CPLX1: variants seen among roughly 807,000 people sequenced by gnomAD.
The protein encoded by CPLX1 is complexin 1.
CPLX1 carries 6 observed loss-of-function variants against 15.6 expected under a neutral mutation model. The observed-to-expected ratio is 0.39, with a 90% confidence interval of 0.21 to 0.76. The LOEUF is 0.76. CPLX1 is among the 30% of genes least tolerant of loss of function. The pLI, the probability that CPLX1 is intolerant of heterozygous loss-of-function variation, is 0.43. For missense variants in CPLX1, 242 were observed against 188.6 expected (o/e 1.28, Z -1.66); for synonymous variants, 91 against 75.2 (o/e 1.21, Z -1.08).
chr4:815,186 G>A (rs2152647650), intron 2 of CPLX1, among the ~76,000 whole-genome samples: 1 of 152,280 alleles, frequency 6.6e-6, no homozygotes, highest in Admixed American at 6.5e-5. Context: ...TGAGGCGGGT[G>A]GATCATCTGA....
intron 3 of CPLX1, chr4:787,520 T>G (rs1362281823): frequency 1.6e-6 from 1 of 638,880 alleles, no homozygotes; most frequent in Admixed American, 6.3e-5. Context: ...TCAAGTCCAG[T>G]GAGAGTGTCC....
At chr4:794,241 C>A (rs1199209337) in intron 2 of CPLX1, among the ~76,000 whole-genome samples, 2 of 152,244 alleles carry the variant, frequency 1.3e-5, no homozygotes, top group African/African-American at 4.8e-5. Context: ...ATGCCTGCAT[C>A]CTGCAGGCGC....
intron 3 of CPLX1, chr4:787,200 T>TA: frequency 3.0e-6 from 3 of 985,288 alleles, no homozygotes; most frequent in Non-Finnish European, 3.6e-6. Context: ...GCAGGGCCAC[T>TA]CCCTGGCAGG....
chr4:804,781 C>G (rs537231228), intron 2 of CPLX1: 2 of 985,448 alleles, frequency 2.0e-6, no homozygotes, highest in East Asian at 1.1e-4. Flanking sequence ...GAAGTGCCTG[C>G]AGAGTCCCAG....
intron 2 of CPLX1, among the ~76,000 whole-genome samples, chr4:798,049 T>G (rs1415835490): frequency 6.6e-6 from 1 of 151,892 alleles, no homozygotes; most frequent in Non-Finnish European, 1.5e-5. Context: ...CCGAGGTGGG[T>G]GGATCACCTG....
intron 2 of CPLX1, among the ~76,000 whole-genome samples, chr4:808,631 A>G (rs1380803729): frequency 6.6e-6 from 1 of 152,244 alleles, no homozygotes; most frequent in African/African-American, 2.4e-5. Context: ...TAAAACAGGC[A>G]TCAGGCAGCT....
At chr4:791,213 G>A (rs927129271) in intron 3 of CPLX1, among the ~76,000 whole-genome samples, 2 of 151,726 alleles carry the variant, frequency 1.3e-5, no homozygotes, top group Non-Finnish European at 2.9e-5. Flanking sequence ...GGGGTGGGCT[G>A]GAGGCTTGAG....
At chr4:792,636 G>T in intron 2 of CPLX1, 28 bp from the exon 3 acceptor site, 2 of 1,594,364 alleles carry the variant, frequency 1.3e-6, no homozygotes, top group Non-Finnish European at 1.7e-6. Flanking sequence ...GATTCAGACC[G>T]CCCCATTCAG....
At chr4:788,269 G>T in intron 3 of CPLX1, 4 of 985,272 alleles carry the variant, frequency 4.1e-6, no homozygotes, top group Non-Finnish European at 3.6e-6. Context: ...GGCTGCCTGT[G>T]TGCTCCCCAA....
intron 2 of CPLX1, among the ~76,000 whole-genome samples, chr4:800,086 G>A (rs1379315546): frequency 6.6e-6 from 1 of 152,024 alleles, no homozygotes; most frequent in Non-Finnish European, 1.5e-5. Context: ...CTGTCTCCAG[G>A]TAGACAGCAT....
chr4:785,794 C>G lies in CPLX1; in HGVS notation c.*707G>C, dbSNP rs946317593. The G allele has an allele frequency of 6.6e-6, 1 of 152,052 alleles. No individual in the cohort carries two copies. The highest frequency in any genetic ancestry group is 1.5e-5 in the Non-Finnish European group (1 of 68,102). The allele number at this position is 152,052 out of a possible 1,614,324, so 9.4% of individuals were successfully genotyped here. On this transcript the variant is annotated 3_prime_UTR_variant, in exon 4 of 4. Transcript: ENST00000304062. ...AGCAGCAGCCGCGTGGGCGGAGAGG[C>G]TAGGAGGCCGGGCGGGGGGCGAGGA...
Position 792,530 on chromosome 4 carries a change from C to T in CPLX1, c.110G>A (p.Arg37Gln), listed in dbSNP as rs1361796675. ...DPDAAKKEEE[R>Q]QEALRQAEEE... ...CTCCGCCTGGCGCAGCGCCTCCTGC[C>T]GCTCCTCCTCCTTCTTGGCGGCGTC... Residue 37 changes from arginine (R) to glutamine (Q), a missense_variant, in exon 3 of 4, where the codon CGG (arginine) becomes CAG (glutamine). Physicochemically the swap from Arg to Gln is conservative, Grantham distance 43. Transcript: ENST00000304062. The T allele has an allele frequency of 6.2e-7, 1 of 1,613,520 alleles. No homozygotes were observed. The highest frequency in any genetic ancestry group is 1.7e-5 in the Admixed American group (1 of 60,014).
chr4:807,233 C>T (rs954926675), intron 2 of CPLX1, among the ~76,000 whole-genome samples: 2 of 152,190 alleles, frequency 1.3e-5, no homozygotes, highest in South Asian at 4.1e-4. Context: ...AACAGAAAAC[C>T]AAACACCGCA....
At chr4:819,693 G>A (rs558601033) in intron 2 of CPLX1, among the ~76,000 whole-genome samples, 10 of 152,306 alleles carry the variant, frequency 6.6e-5, no homozygotes, top group East Asian at 1.9e-4. Context: ...GGAGTAGGAC[G>A]GGCCCACCCT....
chr4:826,013 G>A (rs1746983644), intron 1 of CPLX1, 33 bp downstream of exon 1: 1 of 151,610 alleles, frequency 6.6e-6, no homozygotes, highest in Non-Finnish European at 1.5e-5. Context: ...GGGAGCGGAG[G>A]CCGGGCGCGC....
At chr4:788,283 C>T in intron 3 of CPLX1, 2 of 985,324 alleles carry the variant, frequency 2.0e-6, no homozygotes, top group Non-Finnish European at 2.4e-6. Context: ...TCCCCAACCC[C>T]ACCGAGGGCA....
chr4:814,820 T>C (rs948722838), intron 2 of CPLX1, among the ~76,000 whole-genome samples: 6 of 152,204 alleles, frequency 3.9e-5, no homozygotes, highest in Non-Finnish European at 8.8e-5. Flanking sequence ...AAGTGTCGTG[T>C]GTGAGGGGCC....
At chr4:790,930 CT>C (rs1166877118) in intron 3 of CPLX1, among the ~76,000 whole-genome samples, 1 of 102,152 alleles carries the variant, frequency 9.8e-6, no homozygotes, top group African/African-American at 4.0e-5. Flanking sequence ...CTCTTTCCCT[CT>C]TTTTGTCTTT....
intron 2 of CPLX1, among the ~76,000 whole-genome samples, chr4:809,279 C>T (rs1231260282): frequency 6.6e-6 from 1 of 152,262 alleles, no homozygotes; most frequent in African/African-American, 2.4e-5. Context: ...CTCCCCAAGG[C>T]CCCTTCAGCC....
Sources: allele counts gnomAD v4.1 joint callset (sites outside exome capture counted in the v4.1 genomes callset), GRCh38; gene constraint gnomAD v4.1.1; transcripts MANE v1.5; gene names NCBI Gene and HGNC (gene_info 2026-07-23, HGNC 2026-07-21).